The following GPR151 variants were observed in gnomAD, a reference collection of about 807,000 sequenced individuals.
The protein encoded by GPR151 is G protein-coupled receptor 151.
GPR151 carries 16 observed loss-of-function variants against 18.2 expected under a neutral mutation model. The ratio of observed to expected loss-of-function variants is 0.88; its 90% CI spans 0.60 to 1.34. The LOEUF is 1.34. Among genes scored for constraint, GPR151 ranks in the 40% most tolerant of loss-of-function variants. The pLI is 0.00. For missense variants in GPR151, 509 were observed against 504.3 expected, an observed-to-expected ratio of 1.01 and a Z score of -0.09; for synonymous variants, 202 against 191.2, an observed-to-expected ratio of 1.06 and a Z score of -0.47.
Position 146,515,981 on chromosome 5 carries a change from C to T in GPR151, c.133G>A (p.Ala45Thr). The change falls in exon 1 of 1, where the codon GCT becomes ACT. Residue 45 changes from alanine to threonine, a missense_variant. By Grantham distance (58) the Ala-to-Thr change is moderately conservative. Transcript: ENST00000311104. Reference protein sequence around the residue: ...WRTIIPALLVAVCLVGFVGNL... With the variant: ...WRTIIPALLVTVCLVGFVGNL... The stretch of plus-strand genomic sequence containing the variant: ...CCCACGAAGCCCACCAGGCAGACAG[C>T]CACCAAGAGAGCCGGGATGATGGTT... 6 of 1,614,110 alleles carry T rather than the reference C, an allele frequency of 3.7e-6. No homozygotes were observed. Among genetic ancestry groups the T allele is most frequent in the Non-Finnish European group, 5.1e-6 (6 of 1,180,032 alleles).
Position 146,515,879 on chromosome 5 carries a change from T to A in GPR151, c.235A>T (p.Asn79Tyr). ...KPSMIHSLIL[N>Y]LSLADLSLLL... ...AGGGAGAGATCAGCCAGGCTGAGAT[T>A]CAGAATCAGGGAGTGGATCATGGAT... Residue 79 changes from asparagine (N) to tyrosine (Y), a missense_variant, in exon 1 of 1, where the codon AAT (asparagine) becomes TAT (tyrosine). Coordinates refer to ENST00000311104, the MANE Select transcript of GPR151 (RefSeq NM_194251.3). 1 of 1,614,074 alleles carries A rather than the reference T, an allele frequency of 6.2e-7. No individual in the cohort carries two copies. The highest frequency in any genetic ancestry group is 8.5e-7 in the Non-Finnish European group (1 of 1,180,010).
In GPR151 at chr5:146,515,093, C is replaced by T. The variant is rs147596778; in HGVS notation, c.1021G>A (p.Gly341Ser). 3 of 1,614,156 alleles carry T rather than the reference C, an allele frequency of 1.9e-6. No individual in the cohort carries two copies. Among genetic ancestry groups the T allele is most frequent in the East Asian group, 2.2e-5 (1 of 44,876 alleles). Residue 341 changes from glycine to serine, a missense_variant, in exon 1 of 1, where the codon GGC becomes AGC. Transcript: ENST00000311104. ...TVSESQETPA[G>S]NSEGLPDKVP... ...TTGTCAGGAAGACCCTCTGAGTTGC[C>T]AGCTGGTGTTTCCTGAGACTCTGAG...
In GPR151 at chr5:146,514,755, A is replaced by G; in HGVS notation, c.*99T>C. ...TTGTGAAATATTTTTATAATTCCTA[A>G]TGGTAATAATTATATCAGTTTGTAA... On this transcript the variant is annotated 3_prime_UTR_variant, in exon 1 of 1. Transcript: ENST00000311104. The G allele has an allele frequency of 2.7e-6, 2 of 752,956 alleles. No homozygotes were observed. The highest frequency in any genetic ancestry group is 2.1e-6 in the Non-Finnish European group (1 of 473,936). The allele number at this position is 752,956 out of a possible 1,614,324, so 46.6% of individuals were successfully genotyped here. A position where few individuals can be genotyped will look rare whatever the true frequency, so the allele number is the denominator to read the frequency against.
rs747545986 is a variant in GPR151 at position 146,515,466 on chromosome 5, A to C, written c.648T>G (p.Phe216Leu). ...YPLLAFGLPL[F>L]FASFYFWRAY... is the part of the protein sequence containing the mutation. ...CTCTCCAGAAATAAAAGCTGGCAAAAAATAATGGAAGGCCAAATGCCAGGA... is the reference window on the plus strand; with the variant it reads ...CTCTCCAGAAATAAAAGCTGGCAAACAATAATGGAAGGCCAAATGCCAGGA... Residue 216 changes from phenylalanine to leucine, a missense_variant, in exon 1 of 1, where the codon TTT (phenylalanine) becomes TTG (leucine). Transcript: ENST00000311104. 6.2e-7 allele frequency: 1 copy of C among 1,614,082 alleles called. No individual in the cohort carries two copies. The highest frequency in any genetic ancestry group is 1.3e-5 in the African/African-American group (1 of 74,944).
rs1421508298 is a variant in GPR151 at position 146,515,604 on chromosome 5, C to T, written c.510G>A (p.Leu170=). 1 of 1,613,988 alleles carries T rather than the reference C, an allele frequency of 6.2e-7. No individual in the cohort carries two copies. The highest frequency in any genetic ancestry group is 8.5e-7 in the Non-Finnish European group (1 of 1,180,020). The change falls in exon 1 of 1, where the codon CTG becomes CTA. Residue 170 remains leucine (L), a synonymous_variant. Transcript: ENST00000311104. ...AIWTVASLLP[L]PEWFFSTIRH... is the part of the protein sequence containing the mutation. ...TGATGGTGCTAAAGAACCATTCCGG[C>T]AGGGGTAACAGGCTAGCCACAGTCC...
Position 146,514,658 on chromosome 5 carries a change from T to G in GPR151, c.*196A>C. ...ACTTAAATTGTTTGGGAAGCCAAGT[T>G]CTAATTCTGAAACAATTATTACTTC... On this transcript the variant is annotated 3_prime_UTR_variant, in exon 1 of 1. Transcript: ENST00000311104. 1.9e-6 allele frequency: 1 copy of G among 519,262 alleles called. No homozygotes were observed. The highest frequency in any genetic ancestry group is 3.3e-6 in the Non-Finnish European group (1 of 299,918). 32.2% of individuals were successfully genotyped at this position (519,262 alleles called of 1,614,324 possible).
chr5:146,516,037 C>A lies in GPR151; in HGVS notation c.77G>T (p.Gly26Val). ...GTCCTGGGAATCAGAGGGCAGGTAC[C>A]CTCCGGCAAAGTGGAGGTGAGCAAA... is the stretch of plus-strand genomic sequence containing the variant. ...VSFAHLHFAG[G>V]YLPSDSQDWR... Residue 26 changes from glycine (G) to valine (V), a missense_variant, in exon 1 of 1, where the codon GGG becomes GTG. By Grantham distance (109) the Gly-to-Val change is moderately radical. Transcript: ENST00000311104. 1.2e-6 allele frequency: 2 copies of A among 1,614,040 alleles called. No homozygotes were observed. Among genetic ancestry groups the A allele is most frequent in the Non-Finnish European group, 1.7e-6 (2 of 1,180,014 alleles).
Position 146,514,729 on chromosome 5 carries a change from A to T in GPR151, c.*125T>A, listed in dbSNP as rs148331022. 1.3e-5 allele frequency: 9 copies of T among 666,960 alleles called. No individual in the cohort carries two copies. The East Asian group carries it at 2.2e-4, about 16-fold the overall frequency. 41.3% of individuals were successfully genotyped at this position (666,960 alleles called of 1,614,324 possible). ...CACATTGCACATTTGGAAAGTGTAG[A>T]TTGTGAAATATTTTTATAATTCCTA... On this transcript the variant is annotated 3_prime_UTR_variant, in exon 1 of 1. Coordinates refer to ENST00000311104, the MANE Select transcript of GPR151 (RefSeq NM_194251.3).
Position 146,515,285 on chromosome 5 carries a change from TCAGATGCCATACCCACAGCCAAG to T in GPR151, c.806_828del (p.Ala269GlufsTer72). On this transcript the variant is annotated frameshift_variant, in exon 1 of 1. Transcript: ENST00000311104. LOFTEE classifies it high-confidence loss of function. ...TGTGGTGGGGCCGGGCCTGCAGCCT[TCAGATGCCATACCCACAGCCAAG>T]CTACCCATTCGGGGAGCCACAAGAG... The T allele has an allele frequency of 6.2e-7, 1 of 1,614,172 alleles. No individual in the cohort carries two copies.
rs1768562952 is a variant in GPR151 at position 146,514,184 on chromosome 5, G to C, written c.*670C>G. 6.6e-6 allele frequency: 1 copy of C among 152,202 alleles called. No individual in the cohort carries two copies. The highest frequency in any genetic ancestry group is 2.4e-5 in the African/African-American group (1 of 41,454). 9.4% of individuals were successfully genotyped at this position (152,202 alleles called of 1,614,324 possible). The stretch of plus-strand genomic sequence containing the variant: ...AGGTAGCTTTAAAAAGTTCACTGAA[G>C]CAGGCTTTAGTTTAAGTTTGAATTT... On this transcript the variant is annotated 3_prime_UTR_variant, in exon 1 of 1. Coordinates refer to ENST00000311104, the MANE Select transcript of GPR151 (RefSeq NM_194251.3).
Position 146,513,861 on chromosome 5 carries a change from G to C in GPR151, c.*993C>G, listed in dbSNP as rs1768558650. 1 of 152,148 alleles carries C rather than the reference G, an allele frequency of 6.6e-6. No individual in the cohort carries two copies. The highest frequency in any genetic ancestry group is 1.5e-5 in the Non-Finnish European group (1 of 67,988). 9.4% of individuals were successfully genotyped at this position (152,148 alleles called of 1,614,324 possible). ...CTATAGTATTTTAAAAGTTGAGTAG[G>C]GTTCAAGTTCAATGTTCTGAGTAAG... On this transcript the variant is annotated 3_prime_UTR_variant, in exon 1 of 1. Transcript: ENST00000311104.
In GPR151 at chr5:146,514,903, G is replaced by C. The variant is rs750955838; in HGVS notation, c.1211C>G (p.Pro404Arg). Residue 404 changes from proline to arginine, a missense_variant, in exon 1 of 1, where the codon CCT becomes CGT. Coordinates refer to ENST00000311104, the MANE Select transcript of GPR151 (RefSeq NM_194251.3). ...TTGATCTTCATGTTCCCAGGGGATA[G>C]GGTCATTGTCCTGTACAGAAGGGAC... ...DTVPSVQDND[P>R]IPWEHEDQET... The C allele has an allele frequency of 3.1e-6, 5 of 1,611,122 alleles. No individual in the cohort carries two copies. In the Admixed American group the frequency reaches 8.4e-5, roughly 27 times the overall value.
chr5:146,515,203 A>G lies in GPR151; in HGVS notation c.911T>C (p.Leu304Pro), dbSNP rs909704552. 1.2e-6 allele frequency: 2 copies of G among 1,614,110 alleles called. No homozygotes were observed. The highest frequency in any genetic ancestry group is 8.5e-7 in the Non-Finnish European group (1 of 1,179,990). ...CTCTTCCGACATCACAAGAAAAATG[A>G]GAGGATTTGCTGAAGAGATGGAAAA... is the stretch of plus-strand genomic sequence containing the variant. ...LMFSISSANP[L>P]IFLVMSEEFR... The change falls in exon 1 of 1, where the codon CTC becomes CCC. Residue 304 changes from leucine (L) to proline (P), a missense_variant. Transcript: ENST00000311104.
chr5:146,515,368 G>T lies in GPR151; in HGVS notation c.746C>A (p.Thr249Lys). ...GATGGCAATGCTCAGCAGCATCACT[G>T]TGACTTGCTTTGAGCGTATCTGGTT... is the stretch of plus-strand genomic sequence containing the variant. ...LRNQIRSKQV[T>K]VMLLSIAIIS... is the part of the protein sequence containing the mutation. Residue 249 changes from threonine to lysine, a missense_variant, in exon 1 of 1, where the codon ACA becomes AAA. Thr to Lys is a moderately conservative substitution (Grantham distance 78). Transcript: ENST00000311104. 6.2e-7 allele frequency: 1 copy of T among 1,614,212 alleles called. No homozygotes were observed. The highest frequency in any genetic ancestry group is 8.5e-7 in the Non-Finnish European group (1 of 1,180,036).
chr5:146,514,866 T>C lies in GPR151; in HGVS notation c.1248A>G (p.Glu416=). 6.3e-7 allele frequency: 1 copy of C among 1,584,662 alleles called. No individual in the cohort carries two copies. The highest frequency in any genetic ancestry group is 8.6e-7 in the Non-Finnish European group (1 of 1,165,298). Residue 416 remains glutamate (E), a synonymous_variant, in exon 1 of 1, where the codon GAA becomes GAG. Transcript: ENST00000311104. ...PWEHEDQETG[E]GVK is the part of the protein sequence containing the mutation. Reference sequence around the variant, plus strand: ...TTGAAACTTAAATCTATTTAACACCTTCCCCTGTCTCTTGATCTTCATGTT... The same window carrying C: ...TTGAAACTTAAATCTATTTAACACCCTCCCCTGTCTCTTGATCTTCATGTT...
At position 146,514,819 on chromosome 5, in the gene GPR151, A is replaced by G. The variant is rs957774399; in HGVS notation, c.*35T>C. ...GATAAGCAGCAGTACAAGTAAATAC[A>G]ATAATCACAGTTTGTTTTGCTTTGA... On this transcript the variant is annotated 3_prime_UTR_variant, in exon 1 of 1. Transcript: ENST00000311104. 2 of 1,404,704 alleles carry G rather than the reference A, an allele frequency of 1.4e-6. No homozygotes were observed. The highest frequency in any genetic ancestry group is 1.9e-6 in the Non-Finnish European group (2 of 1,030,054). 87.0% of individuals were successfully genotyped at this position (1,404,704 alleles called of 1,614,324 possible).
chr5:146,514,767 A>AT lies in GPR151; in HGVS notation c.*86dup. ...TTTATAATTCCTAATGGTAATAATT[A>AT]TATCAGTTTGTAAAGTCAGCAATAT... On this transcript the variant is annotated 3_prime_UTR_variant, in exon 1 of 1. Transcript: ENST00000311104. The AT allele has an allele frequency of 1.2e-6, 1 of 825,116 alleles. No individual in the cohort carries two copies. Among genetic ancestry groups the AT allele is most frequent in the Non-Finnish European group, 1.9e-6 (1 of 533,700 alleles). The allele number at this position is 825,116 out of a possible 1,614,324, so 51.1% of individuals were successfully genotyped here.
At position 146,516,107 on chromosome 5, in the gene GPR151, C is replaced by T. The variant is rs1768617610; in HGVS notation, c.7G>A (p.Ala3Thr). ...GAGTTAGAGTCTGCAAAGGCAGCTGCCAGCATCACTCTTCACAGCTTCTTA... is the reference window on the plus strand; with the variant it reads ...GAGTTAGAGTCTGCAAAGGCAGCTGTCAGCATCACTCTTCACAGCTTCTTA... Reference protein sequence around the residue: MLAAAFADSNSSS... With the variant: MLTAAFADSNSSS... The change falls in exon 1 of 1, where the codon GCA becomes ACA. Residue 3 changes from alanine to threonine, a missense_variant. Physicochemically the swap from Ala to Thr is moderately conservative, Grantham distance 58. Coordinates refer to ENST00000311104, the MANE Select transcript of GPR151 (RefSeq NM_194251.3). The T allele has an allele frequency of 6.2e-7, 1 of 1,608,588 alleles. No homozygotes were observed. Among genetic ancestry groups the T allele is most frequent in the South Asian group, 1.1e-5 (1 of 90,560 alleles).
In GPR151 at chr5:146,515,538, T is replaced by A; in HGVS notation, c.576A>T (p.Pro192=). 1.2e-6 allele frequency: 2 copies of A among 1,614,198 alleles called. No individual in the cohort carries two copies. Among genetic ancestry groups the A allele is most frequent in the Non-Finnish European group, 1.7e-6 (2 of 1,180,030 alleles). The change falls in exon 1 of 1, where the codon CCA becomes CCT. Residue 192 remains proline (P), a synonymous_variant. Coordinates refer to ENST00000311104, the MANE Select transcript of GPR151 (RefSeq NM_194251.3). ...TCGACATAAACTCTTCAGCCACAGC[T>A]GGTACATCCACGAGGCACATTTCCA... is the stretch of plus-strand genomic sequence containing the variant. The part of the protein sequence containing the change: ...EGVEMCLVDV[P]AVAEEFMSMF...
Sources: gnomAD v4.1 joint callset for allele counts on GRCh38, gnomAD v4.1.1 for gene constraint, MANE v1.5 for transcripts, NCBI Gene and HGNC (gene_info 2026-07-23, HGNC 2026-07-21) for gene names.